SAMTOR: variants seen among roughly 807,000 people sequenced by gnomAD.
The protein encoded by SAMTOR is S-adenosylmethionine sensor upstream of mTORC1, also known as UPF0532 protein C7orf60.
chr7:112,845,667 G>C, the SAMTOR span, among the ~76,000 whole-genome samples: 2 of 152,216 alleles, frequency 1.3e-5, no homozygotes, highest in South Asian at 4.1e-4. Flanking sequence ...GTTATGGAAA[G>C]CAGTGTGGCG....
At chr7:112,846,305 A>G in the SAMTOR span, among the ~76,000 whole-genome samples, 6 of 152,142 alleles carry the variant, frequency 3.9e-5, no homozygotes, top group South Asian at 2.1e-4. Context: ...GTTCTCACTT[A>G]TAAGTGATGA....
chr7:112,939,470 G>T, the SAMTOR span: 1 of 1,459,858 alleles, frequency 6.8e-7, no homozygotes, highest in Non-Finnish European at 9.2e-7. Flanking sequence ...AGCAGCAGCG[G>T]CTGGGGGGAC....
chr7:112,937,386 C>A, the SAMTOR span, among the ~76,000 whole-genome samples: 1 of 152,034 alleles, frequency 6.6e-6, no homozygotes, highest in Admixed American at 6.5e-5. Flanking sequence ...ACTGATCTAG[C>A]ACTTAAGCAA....
the SAMTOR span, among the ~76,000 whole-genome samples, chr7:112,877,970 AT>A: frequency 5.9e-5 from 9 of 152,192 alleles, no homozygotes; most frequent in Admixed American, 5.9e-4. Flanking sequence ...CCATAAGCCA[AT>A]TAAACCTCTT....
chr7:112,821,968 T>C, the SAMTOR span: 1 of 1,613,414 alleles, frequency 6.2e-7, no homozygotes, highest in Non-Finnish European at 8.5e-7. Flanking sequence ...GGGTAGTTCC[T>C]ACTAACCAAG....
chr7:112,894,826 C>T, the SAMTOR span, among the ~76,000 whole-genome samples: 22 of 152,260 alleles, frequency 1.4e-4, no homozygotes, highest in East Asian at 3.7e-3. Flanking sequence ...ACAGTGAGTA[C>T]ATGCTATTGG....
the SAMTOR span, among the ~76,000 whole-genome samples, chr7:112,888,244 C>G: frequency 6.6e-6 from 1 of 152,066 alleles, no homozygotes; most frequent in African/African-American, 2.4e-5. Flanking sequence ...CTTCAGTTCT[C>G]TGTTACTGAT....
chr7:112,853,389 AAC>A, the SAMTOR span, among the ~76,000 whole-genome samples: 2 of 152,078 alleles, frequency 1.3e-5, no homozygotes, highest in South Asian at 4.1e-4. Context: ...TCTTTTCCAA[AAC>A]AGAGTTCAAG....
the SAMTOR span, chr7:112,822,504 T>C: frequency 2.4e-6 from 2 of 825,162 alleles, no homozygotes; most frequent in African/African-American, 3.5e-5. Flanking sequence ...CCTTTTAAAT[T>C]ATTAAACTTG....
At chr7:112,867,018 T>C in the SAMTOR span, among the ~76,000 whole-genome samples, 4 of 152,202 alleles carry the variant, frequency 2.6e-5, no homozygotes, top group Non-Finnish European at 5.9e-5. Flanking sequence ...GCATATGCCA[T>C]TGTCAATTAT....
At chr7:112,844,688 G>A in the SAMTOR span, among the ~76,000 whole-genome samples, 4 of 152,042 alleles carry the variant, frequency 2.6e-5, no homozygotes, top group Non-Finnish European at 5.9e-5. Context: ...AATTTACAGA[G>A]TCAATGCTAT....
the SAMTOR span, among the ~76,000 whole-genome samples, chr7:112,840,566 C>A: frequency 8.6e-5 from 13 of 151,632 alleles, no homozygotes; most frequent in African/African-American, 3.1e-4. Flanking sequence ...TTTTATTTTA[C>A]ATTTTCTTGT....
At chr7:112,892,870 C>T in the SAMTOR span, among the ~76,000 whole-genome samples, 1 of 151,858 alleles carries the variant, frequency 6.6e-6, no homozygotes, top group Non-Finnish European at 1.5e-5. Context: ...ACGAAAACAA[C>T]ATTCATCTCC....
chr7:112,848,832 G>A, the SAMTOR span, among the ~76,000 whole-genome samples: 3 of 152,210 alleles, frequency 2.0e-5, no homozygotes, highest in South Asian at 4.1e-4. Flanking sequence ...GGGCGATCAC[G>A]AGGTCAGGAG....
At chr7:112,887,727 C>A in the SAMTOR span, among the ~76,000 whole-genome samples, 4 of 152,068 alleles carry the variant, frequency 2.6e-5, no homozygotes, top group African/African-American at 9.7e-5. Flanking sequence ...AATATGTAGT[C>A]GTAGAATTGT....
At chr7:112,829,934 G>T in the SAMTOR span, among the ~76,000 whole-genome samples, 15 of 152,126 alleles carry the variant, frequency 9.9e-5, no homozygotes, top group Non-Finnish European at 2.2e-4. Flanking sequence ...GTCTCATGTA[G>T]TTTTCTCATA....
At chr7:112,854,214 A>T in the SAMTOR span, among the ~76,000 whole-genome samples, 39 of 152,304 alleles carry the variant, frequency 2.6e-4, 1 homozygote, top group South Asian at 7.7e-3. Context: ...ACTTACCCTT[A>T]GCATTTTTCA....
the SAMTOR span, among the ~76,000 whole-genome samples, chr7:112,865,590 T>C: frequency 2.4e-4 from 35 of 147,678 alleles, no homozygotes; most frequent in Non-Finnish European, 4.6e-4. Flanking sequence ...GTCTCATTCA[T>C]ATATATATAT....
the SAMTOR span, among the ~76,000 whole-genome samples, chr7:112,931,755 G>A: frequency 6.6e-6 from 1 of 152,120 alleles, no homozygotes; most frequent in Non-Finnish European, 1.5e-5. Context: ...ACAGCAATGG[G>A]TATTAGTGTA....
Sources: gnomAD v4.1 joint callset for allele counts (sites outside exome capture counted in the v4.1 genomes callset) on GRCh38, gnomAD v4.1.1 for gene constraint, MANE v1.5 for transcripts, NCBI Gene and HGNC (gene_info 2026-07-23, HGNC 2026-07-21) for gene names.